CMSS1: variants seen among roughly 807,000 people sequenced by gnomAD.
CMSS1 encodes the protein protein CMSS1.
Under a neutral mutation model 43.5 loss-of-function variants are expected in CMSS1, and 33 were observed. The ratio of observed to expected loss-of-function variants is 0.76; its 90% CI spans 0.57 to 1.01. The LOEUF (loss-of-function observed/expected upper bound fraction) is 1.01. CMSS1 is among the 50% of genes least tolerant of loss of function. CMSS1 has a pLI of 0.00. For synonymous variants in CMSS1, 115 were observed against 117.2 expected, an observed-to-expected ratio of 0.98 and a Z score of 0.12; for missense variants, 313 against 326.4, an observed-to-expected ratio of 0.96 and a Z score of 0.32.
At chr3:99,934,737 A>G (rs1707604270) in intron 1 of CMSS1, among the ~76,000 whole-genome samples, 1 of 152,232 alleles carries the variant, frequency 6.6e-6, no homozygotes, top group South Asian at 2.1e-4. Context: ...CCTCACTCTT[A>G]AAGTGGGTTA....
intron 1 of CMSS1, among the ~76,000 whole-genome samples, chr3:99,823,662 G>C (rs926334637): frequency 1.3e-5 from 2 of 152,120 alleles, no homozygotes; most frequent in Admixed American, 6.5e-5. Flanking sequence ...GAGGCCTTTT[G>C]AAAAGAAGTC....
intron 1 of CMSS1, among the ~76,000 whole-genome samples, chr3:100,026,908 A>T (rs1442686181): frequency 1.3e-5 from 2 of 152,022 alleles, no homozygotes; most frequent in East Asian, 3.9e-4. Context: ...GAAAGCCAAG[A>T]TCCTCCCAAT....
At chr3:100,173,120 T>C (rs2067123763) in intron 8 of CMSS1, among the ~76,000 whole-genome samples, 1 of 152,216 alleles carries the variant, frequency 6.6e-6, no homozygotes. Context: ...ATCAGTGTAG[T>C]AACTCATTAT....
intron 1 of CMSS1, among the ~76,000 whole-genome samples, chr3:99,843,682 A>G (rs111991341): frequency 3.9e-5 from 6 of 152,262 alleles, no homozygotes; most frequent in African/African-American, 1.2e-4. Context: ...ACATAAATCT[A>G]CAATTGGGCA....
In CMSS1 at chr3:99,924,105, C is replaced by A. The variant is rs1707210923; in HGVS notation, c.64+106062C>A. On this transcript the variant is annotated intron_variant, in intron 1 of 9. Coordinates refer to ENST00000421999, the MANE Select transcript of CMSS1 (RefSeq NM_032359.4). Reference sequence around the variant, plus strand: ...GTCTTCAAACATATCCTTTTCCTCACCCTGGACTATGAGATCTTTGAGAAC... The same window carrying A: ...GTCTTCAAACATATCCTTTTCCTCAACCTGGACTATGAGATCTTTGAGAAC... The A allele has an allele frequency of 1.1e-5, 9 of 809,918 alleles. No homozygotes were observed. The South Asian group carries it at 1.5e-4, about 14-fold the overall frequency. 50.2% of individuals were successfully genotyped at this position (809,918 alleles called of 1,614,324 possible). A position where few individuals can be genotyped will look rare whatever the true frequency, so the allele number is the denominator to read the frequency against.
intron 1 of CMSS1, among the ~76,000 whole-genome samples, chr3:99,885,449 C>T (rs1705862557): frequency 6.6e-6 from 1 of 152,154 alleles, no homozygotes; most frequent in South Asian, 2.1e-4. Flanking sequence ...ATGACTAGCC[C>T]AATTACATTT....
chr3:100,005,806 C>G (rs980093084), intron 1 of CMSS1, among the ~76,000 whole-genome samples: 1 of 152,050 alleles, frequency 6.6e-6, no homozygotes, highest in Non-Finnish European at 1.5e-5. Context: ...TATTATTGCC[C>G]AAGAGAGGAA....
At chr3:99,877,903 CT>C (rs1244550796) in intron 1 of CMSS1, among the ~76,000 whole-genome samples, 2 of 152,212 alleles carry the variant, frequency 1.3e-5, no homozygotes, top group Non-Finnish European at 2.9e-5. Flanking sequence ...CTTTTTCCCT[CT>C]GATAGGCAAA....
At chr3:100,145,904 C>G (rs926095083) in intron 1 of CMSS1, among the ~76,000 whole-genome samples, 1 of 152,168 alleles carries the variant, frequency 6.6e-6, no homozygotes, top group African/African-American at 2.4e-5. Context: ...AATGTATGAC[C>G]AAATATCGGG....
rs1231858327 is a variant in CMSS1, at chr3:99,841,555, C to T, written c.64+23512C>T. On this transcript the variant is annotated intron_variant, in intron 1 of 9. Transcript: ENST00000421999. ...CAAAAGCCTCAGGAATGGCTGAGGA[C>T]GAGGTAGGCTTTGTAGGTCTGTAGG... 1.8e-4 allele frequency among the ~76,000 whole-genome samples: 28 copies of T among 152,236 alleles called. 1 individual carries two copies. Among genetic ancestry groups the T allele is most frequent in the African/African-American group, 4.8e-5 (2 of 41,550 alleles).
chr3:100,085,879 T>C (rs1430617536), intron 1 of CMSS1, among the ~76,000 whole-genome samples: 1 of 152,228 alleles, frequency 6.6e-6, no homozygotes, highest in African/African-American at 2.4e-5. Flanking sequence ...TGAAGAGTAA[T>C]ATACTCCCAA....
chr3:99,966,348 C>T lies in CMSS1; in HGVS notation c.64+148305C>T, dbSNP rs951828093. Among the ~76,000 whole-genome samples, 11 of 152,216 alleles carry T rather than the reference C, an allele frequency of 7.2e-5. No homozygotes were observed. In the East Asian group the frequency reaches 9.7e-4, roughly 13 times the overall value. ...CCCTTCCTTTCTGTTTCTTTCATAGCCCCACTGCTCCATCTGAAGCCTGAA... is the reference window on the plus strand; with the variant it reads ...CCCTTCCTTTCTGTTTCTTTCATAGTCCCACTGCTCCATCTGAAGCCTGAA... On this transcript the variant is annotated intron_variant, in intron 1 of 9. Coordinates refer to ENST00000421999, the MANE Select transcript of CMSS1 (RefSeq NM_032359.4).
chr3:100,044,838 A>G lies in CMSS1; in HGVS notation c.65-102135A>G, dbSNP rs558089681. Among the ~76,000 whole-genome samples, 66 of 152,332 alleles carry G rather than the reference A, an allele frequency of 4.3e-4. 1 individual carries two copies. The Middle Eastern group carries it at 0.01, about 24-fold the overall frequency. Reference sequence around the variant, plus strand: ...ATGGTGGCAGTCAATGGAGTGGTTAATGGCTCCAAAACAGATTTAGGAGGT... The same window carrying G: ...ATGGTGGCAGTCAATGGAGTGGTTAGTGGCTCCAAAACAGATTTAGGAGGT... On this transcript the variant is annotated intron_variant, in intron 1 of 9. Coordinates refer to ENST00000421999, the MANE Select transcript of CMSS1 (RefSeq NM_032359.4).
chr3:100,067,050 G>A (rs17314998), intron 1 of CMSS1, among the ~76,000 whole-genome samples: 3,647 of 152,224 alleles, frequency 0.024, 119 homozygotes, highest in Admixed American at 0.083. Flanking sequence ...AAGGGCAAGC[G>A]TGGACTGTGA....
chr3:99,842,457 C>A (rs1195279402), intron 1 of CMSS1, among the ~76,000 whole-genome samples: 1 of 150,056 alleles, frequency 6.7e-6, no homozygotes, highest in Admixed American at 6.6e-5. Context: ...TAACCAAACA[C>A]CACTTGTTCC....
intron 1 of CMSS1, among the ~76,000 whole-genome samples, chr3:99,839,571 T>C (rs1943040501): frequency 6.6e-6 from 1 of 152,178 alleles, no homozygotes; most frequent in South Asian, 2.1e-4. Flanking sequence ...CGACTCCATT[T>C]AAAGCCAAGG....
At chr3:99,946,945 G>C (rs1708026158) in intron 1 of CMSS1, among the ~76,000 whole-genome samples, 1 of 151,880 alleles carries the variant, frequency 6.6e-6, no homozygotes, top group Admixed American at 6.6e-5. Flanking sequence ...GACCAGCCTG[G>C]CCAACATGGC....
intron 1 of CMSS1, among the ~76,000 whole-genome samples, chr3:99,977,796 T>C (rs1709014126): frequency 6.6e-6 from 1 of 152,214 alleles, no homozygotes; most frequent in South Asian, 2.1e-4. Context: ...TAACTTACTT[T>C]GTCTGATGGC....
intron 1 of CMSS1, among the ~76,000 whole-genome samples, chr3:99,845,716 G>GA (rs568613474): frequency 1.8e-4 from 27 of 152,166 alleles, no homozygotes; most frequent in South Asian, 1.2e-3. Flanking sequence ...TAATTCTATA[G>GA]AAAAAAAGAT....
Sources: allele counts gnomAD v4.1 joint callset (sites outside exome capture counted in the v4.1 genomes callset), GRCh38; gene constraint gnomAD v4.1.1; transcripts MANE v1.5; gene names NCBI Gene and HGNC (gene_info 2026-07-23, HGNC 2026-07-21).